Variants in DDX42 observed in about 807,000 individuals in gnomAD.
The protein encoded by DDX42 is ATP-dependent RNA helicase DDX42.
A neutral mutation model predicts 101.5 loss-of-function variants in DDX42; 22 were observed. That is an observed-to-expected ratio of 0.22 (90% confidence interval 0.15 to 0.31). The LOEUF (loss-of-function observed/expected upper bound fraction) is 0.31, where lower values mean the gene tolerates loss of function less well. DDX42 is among the 10% of genes least tolerant of loss of function. The pLI is 1.00. For synonymous variants in DDX42, 402 were observed against 401.2 expected (o/e 1.00, Z -0.02); for missense variants, 849 against 1,199.9 (o/e 0.71, Z 4.32).
chr17:63,785,049 G>A (rs554514980), intron 1 of DDX42, among the ~76,000 whole-genome samples: 1 of 152,240 alleles, frequency 6.6e-6, no homozygotes, highest in East Asian at 1.9e-4. Context: ...ATACACATAT[G>A]CATACAAGTA....
At chr17:63,804,981 A>G in intron 6 of DDX42, 90 bp from the exon 7 acceptor site, 2 of 1,478,026 alleles carry the variant, frequency 1.4e-6, no homozygotes, top group South Asian at 2.8e-5. Context: ...TTACTTGTGT[A>G]AAATTTGGAA....
chr17:63,806,333 A>G lies in DDX42; in HGVS notation c.727-202A>G, dbSNP rs555005310. On this transcript the variant is annotated intron_variant, in intron 7 of 17. Coordinates refer to ENST00000389924, the MANE Select transcript of DDX42 (RefSeq NM_203499.3). Reference sequence around the variant, plus strand: ...ATTGTATGACAATTATCTTGGGAATATTTATCATGGAGTTTTTAATATGAG... The same window carrying G: ...ATTGTATGACAATTATCTTGGGAATGTTTATCATGGAGTTTTTAATATGAG... The G allele has an allele frequency of 1.3e-5, 5 of 386,246 alleles. No individual in the cohort carries two copies. The Admixed American group carries it at 1.4e-4, about 11-fold the overall frequency. The allele number at this position is 386,246 out of a possible 1,614,324, so 23.9% of individuals were successfully genotyped here.
intron 1 of DDX42, among the ~76,000 whole-genome samples, chr17:63,783,101 T>G (rs751375747): frequency 6.6e-6 from 1 of 152,216 alleles, no homozygotes; most frequent in African/African-American, 2.4e-5. Flanking sequence ...AACACTTCTA[T>G]GCCTTTGCTC....
At chr17:63,774,118 C>G (rs991200251), upstream of DDX42, 1 of 241,510 alleles carries the variant, frequency 4.1e-6, no homozygotes, top group African/African-American at 2.4e-5. Context: ...GAGCCGTAGC[C>G]CCGGCCCCGC....
chr17:63,812,296 G>A (rs2144585759), intron 14 of DDX42, 88 bp downstream of exon 14: 2 of 1,486,620 alleles, frequency 1.3e-6, no homozygotes, highest in South Asian at 2.7e-5. Context: ...ATCTGAGCAG[G>A]CTGATGGAAA....
chr17:63,792,008 C>T (rs1374943719), intron 2 of DDX42, among the ~76,000 whole-genome samples: 1 of 151,038 alleles, frequency 6.6e-6, no homozygotes, highest in East Asian at 1.9e-4. Context: ...GATTGTGCCA[C>T]TGCACTCCAG....
chr17:63,787,678 A>G (rs143012026), intron 2 of DDX42, among the ~76,000 whole-genome samples: 94 of 152,132 alleles, frequency 6.2e-4, no homozygotes, highest in Middle Eastern at 6.8e-3. Context: ...GTCTACTAAA[A>G]ATACAAAACA....
intron 1 of DDX42, among the ~76,000 whole-genome samples, chr17:63,782,104 C>A (rs1165300168): frequency 1.3e-5 from 2 of 151,986 alleles, no homozygotes; most frequent in South Asian, 4.1e-4. Context: ...CATGGTGAAA[C>A]CTGTCTCTAC....
At chr17:63,782,058 A>G (rs1450301266) in intron 1 of DDX42, among the ~76,000 whole-genome samples, 1 of 152,028 alleles carries the variant, frequency 6.6e-6, no homozygotes, top group African/African-American at 2.4e-5. Context: ...GGCGCAGTGG[A>G]TCACGAGGTC....
At chr17:63,787,391 C>T (rs1253524241) in intron 2 of DDX42, 121 bp downstream of exon 2, 1 of 1,026,270 alleles carries the variant, frequency 9.7e-7, no homozygotes, top group African/African-American at 1.6e-5. Flanking sequence ...AATTATGTGT[C>T]TCGCTGAATT....
At chr17:63,777,191 G>A (rs1568257328) in intron 1 of DDX42, among the ~76,000 whole-genome samples, 1 of 152,206 alleles carries the variant, frequency 6.6e-6, no homozygotes, top group Non-Finnish European at 1.5e-5. Context: ...TTACAGGTGT[G>A]AGCCACCTTG....
At chr17:63,780,628 A>T (rs1386669030) in intron 1 of DDX42, among the ~76,000 whole-genome samples, 1 of 152,164 alleles carries the variant, frequency 6.6e-6, no homozygotes, top group African/African-American at 2.4e-5. Context: ...TAGAGTCAGT[A>T]ATTGAGGGAC....
Position 63,816,929 on chromosome 17 carries a change from TG to T in DDX42, c.2078del (p.Gly693GlufsTer4). 6.2e-7 allele frequency: 1 copy of T among 1,614,070 alleles called. No individual in the cohort carries two copies. Among genetic ancestry groups the T allele is most frequent in the Non-Finnish European group, 8.5e-7 (1 of 1,179,990 alleles). ...YEAYKPSTGA[M>X]GDRLTAMKAA... ...GCCTACAAGCCTTCCACAGGAGCTA[TG>T]GGAGATCGACTAACGGCAATGAAAG... On this transcript the variant is annotated frameshift_variant, in exon 17 of 18. Coordinates refer to ENST00000389924, the MANE Select transcript of DDX42 (RefSeq NM_203499.3). LOFTEE classifies it high-confidence loss of function.
In DDX42 at chr17:63,806,566, G is replaced by T. The variant is rs770365184; in HGVS notation, c.758G>T (p.Ser253Ile). The stretch of plus-strand genomic sequence containing the variant: ...GGTGCTGCACCTCCTAGACCAGGAA[G>T]TAGCTTTGCTCATTTTGGGTTTGAC... ...VSGAAPPRPG[S>I]SFAHFGFDEQ... The change falls in exon 8 of 18, where the codon AGT (serine) becomes ATT (isoleucine). Residue 253 changes from serine to isoleucine, a missense_variant. Transcript: ENST00000389924. 8.7e-6 allele frequency: 14 copies of T among 1,613,312 alleles called. No homozygotes were observed. The highest frequency in any genetic ancestry group is 1.2e-5 in the Non-Finnish European group (14 of 1,179,798).
chr17:63,799,930 T>G (rs1395582091), intron 5 of DDX42, among the ~76,000 whole-genome samples: 1 of 152,206 alleles, frequency 6.6e-6, no homozygotes, highest in Non-Finnish European at 1.5e-5. Flanking sequence ...GGTAGAGTAG[T>G]GTGGGATCTA....
At chr17:63,804,650 C>A (rs1384237221) in intron 6 of DDX42, among the ~76,000 whole-genome samples, 1 of 152,112 alleles carries the variant, frequency 6.6e-6, no homozygotes, top group Non-Finnish European at 1.5e-5. Flanking sequence ...CAATGTTGTT[C>A]AAATTCGAGG....
intron 1 of DDX42, among the ~76,000 whole-genome samples, chr17:63,776,851 T>C (rs552521836): frequency 2.0e-5 from 3 of 152,208 alleles, no homozygotes; most frequent in Admixed American, 6.5e-5. Flanking sequence ...GTAGCAAAGA[T>C]AGTTTACACA....
At chr17:63,810,947 C>A in intron 12 of DDX42, 129 bp from the exon 13 acceptor site, 1 of 713,434 alleles carries the variant, frequency 1.4e-6, no homozygotes, top group South Asian at 2.0e-5. Flanking sequence ...GAATCAGTTT[C>A]TAAACTAAAT....
chr17:63,818,491 G>GT lies in DDX42; in HGVS notation c.*94dup, dbSNP rs2040008021. On this transcript the variant is annotated 3_prime_UTR_variant, in exon 18 of 18. Coordinates refer to ENST00000389924, the MANE Select transcript of DDX42 (RefSeq NM_203499.3). ...TCAGGGCTGGGTTGGGGTCCAAAGT[G>GT]TAAGGACCCCCTGCCCTTAGTGGAG... 8.5e-7 allele frequency: 1 copy of GT among 1,174,516 alleles called. No homozygotes were observed. The allele number at this position is 1,174,516 out of a possible 1,614,324, so 72.8% of individuals were successfully genotyped here.
Sources: gnomAD v4.1 joint callset for allele counts (sites outside exome capture counted in the v4.1 genomes callset) on GRCh38, gnomAD v4.1.1 for gene constraint, MANE v1.5 for transcripts, NCBI Gene and HGNC (gene_info 2026-07-23, HGNC 2026-07-21) for gene names.